Variants in CHPF2 observed in about 807,000 individuals in gnomAD.
CHPF2 encodes chondroitin polymerizing factor 2, non-catalytic subunit.
In CHPF2, 58 loss-of-function variants were observed where a neutral mutation model predicts 63.0. The observed-to-expected ratio is 0.92, with a 90% CI of 0.75 to 1.15. CHPF2 has a LOEUF of 1.15. CHPF2 is among the 50% of genes most tolerant of loss of function. The pLI is 0.00. For missense variants in CHPF2, 1,045 were observed against 1,035.4 expected (o/e 1.01, Z -0.13); for synonymous variants, 442 against 438.0 (o/e 1.01, Z -0.11).
At chr7:151,234,962 C>T (rs1368900106) in intron 1 of CHPF2, 86 bp from the exon 2 acceptor site, 2 of 1,073,454 alleles carry the variant, frequency 1.9e-6, no homozygotes, top group Non-Finnish European at 1.4e-6. Context: ...AGCCCCAACT[C>T]ACTCCTAGAG....
At position 151,232,914 on chromosome 7, in the gene CHPF2, C is replaced by G; in HGVS notation, c.-1098C>G. 7.4e-7 allele frequency: 1 copy of G among 1,360,450 alleles called. No individual in the cohort carries two copies. The highest frequency in any genetic ancestry group is 9.4e-7 in the Non-Finnish European group (1 of 1,059,972). 84.3% of individuals were successfully genotyped at this position (1,360,450 alleles called of 1,614,324 possible). On this transcript the variant is annotated 5_prime_UTR_variant, in exon 1 of 4. Transcript: ENST00000035307. ...CCTTCTCAGCAGCCCGGTGACGTGG[C>G]CAGTTTATTTCTGTTTTGAGACGAA...
In CHPF2 at chr7:151,234,182, C is replaced by G. The variant is rs2608293; in HGVS notation, c.171C>G (p.Ser57=). The G allele has an allele frequency of 0.41, 666,064 of 1,612,208 alleles. 141,007 individuals are homozygous for G. Among genetic ancestry groups the G allele is most frequent in the East Asian group, 0.72 (32,145 of 44,694 alleles). ...GERGGPQNPD[S]RARLDQSDED... The stretch of plus-strand genomic sequence containing the variant: ...GAGGAGGGCCACAGAATCCAGATTC[C>G]AGAGCTCGGCTAGACCAAAGTGATG... Residue 57 remains serine, a synonymous_variant, in exon 1 of 4, where the codon TCC becomes TCG. Transcript: ENST00000035307.
At position 151,232,663 on chromosome 7, in the gene CHPF2, C is replaced by G. The variant is rs1234879208; in HGVS notation, c.-1349C>G. The G allele has an allele frequency of 5.6e-5, 70 of 1,255,416 alleles. 2 individuals carry two copies. The South Asian group carries it at 8.6e-4, about 15-fold the overall frequency. The allele number at this position is 1,255,416 out of a possible 1,614,324, so 77.8% of individuals were successfully genotyped here. A position where few individuals can be genotyped will look rare whatever the true frequency, so the allele number is the denominator to read the frequency against. ...CCCCTCCCGGGACGCCGGGAGACCC[C>G]GGCCGTCCTTTATCCGGTGTCCGCC... On this transcript the variant is annotated 5_prime_UTR_variant, in exon 1 of 4. Transcript: ENST00000035307.
chr7:151,238,225 C>A lies in CHPF2; in HGVS notation c.1863C>A (p.Val621=). ...AISGWQAFFP[V]HFQEFNPALS... is the part of the protein sequence containing the mutation. ...CTGGCTGGCAGGCCTTCTTTCCAGT[C>A]CATTTCCAGGAGTTCAATCCTGCCC... Residue 621 remains valine, a synonymous_variant, in exon 4 of 4, where the codon GTC becomes GTA. Coordinates refer to ENST00000035307, the MANE Select transcript of CHPF2 (RefSeq NM_019015.3). 6.2e-7 allele frequency: 1 copy of A among 1,613,026 alleles called. No homozygotes were observed. Among genetic ancestry groups the A allele is most frequent in the Non-Finnish European group, 8.5e-7 (1 of 1,180,016 alleles).
At chr7:151,235,649 A>C in intron 2 of CHPF2, 37 bp downstream of exon 2, 4 of 1,550,972 alleles carry the variant, frequency 2.6e-6, no homozygotes, top group Non-Finnish European at 3.5e-6. Flanking sequence ...GTCCCTGATA[A>C]GCTAGTGGGG....
Position 151,238,269 on chromosome 7 carries a change from C to T in CHPF2, c.1907C>T (p.Pro636Leu). The change falls in exon 4 of 4, where the codon CCC becomes CTC. Residue 636 changes from proline to leucine, a missense_variant. Physicochemically the swap from Pro to Leu is moderately conservative, Grantham distance 98. Transcript: ENST00000035307. ...FNPALSPQRS[P>L]PGPPGAGPDP... ...CCTGCCCTGTCACCACAGAGATCAC[C>T]CCCAGGGCCCCCGGGGGCTGGCCCT... 2 of 1,612,136 alleles carry T rather than the reference C, an allele frequency of 1.2e-6. No individual in the cohort carries two copies. The highest frequency in any genetic ancestry group is 4.5e-5 in the East Asian group (2 of 44,846).
Position 151,235,433 on chromosome 7 carries a change from G to C in CHPF2, c.649G>C (p.Gly217Arg). 6.2e-7 allele frequency: 1 copy of C among 1,612,354 alleles called. No individual in the cohort carries two copies. The highest frequency in any genetic ancestry group is 8.5e-7 in the Non-Finnish European group (1 of 1,180,030). ...CCGGGCAGAGGAGTTCATTGGCGCAGGCGAGCAGGCCCGGTACTGTCATGG... is the reference window on the plus strand; with the variant it reads ...CCGGGCAGAGGAGTTCATTGGCGCACGCGAGCAGGCCCGGTACTGTCATGG... ...LGRAEEFIGAGEQARYCHGGF... is the reference protein window; with the variant it reads ...LGRAEEFIGAREQARYCHGGF... Residue 217 changes from glycine (G) to arginine (R), a missense_variant, in exon 2 of 4, where the codon GGC (glycine) becomes CGC (arginine). By Grantham distance (125) the Gly-to-Arg change is moderately radical. Transcript: ENST00000035307.
rs745434656 is a variant in CHPF2, at chr7:151,237,833, C to G, written c.1471C>G (p.Leu491Val). 9 of 1,612,662 alleles carry G rather than the reference C, an allele frequency of 5.6e-6. No individual in the cohort carries two copies. Among genetic ancestry groups the G allele is most frequent in the Non-Finnish European group, 7.6e-6 (9 of 1,180,008 alleles). The change falls in exon 4 of 4, where the codon CTG becomes GTG. Residue 491 changes from leucine to valine, a missense_variant. Coordinates refer to ENST00000035307, the MANE Select transcript of CHPF2 (RefSeq NM_019015.3). ...TGTCACTGAGGCCACCCGAGTGCAGCTGGTGCTGCCACTCCTGGTGGCTGA... is the reference window on the plus strand; with the variant it reads ...TGTCACTGAGGCCACCCGAGTGCAGGTGGTGCTGCCACTCCTGGTGGCTGA... ...PYVTEATRVQ[L>V]VLPLLVAEAA...
rs755914964 is a variant in CHPF2, at chr7:151,238,248, C to T, written c.1886C>T (p.Ala629Val). The T allele has an allele frequency of 1.9e-6, 3 of 1,612,686 alleles. No homozygotes were observed. The highest frequency in any genetic ancestry group is 1.1e-5 in the South Asian group (1 of 91,094). ...FPVHFQEFNP[A>V]LSPQRSPPGP... ...GTCCATTTCCAGGAGTTCAATCCTGCCCTGTCACCACAGAGATCACCCCCA... is the reference window on the plus strand; with the variant it reads ...GTCCATTTCCAGGAGTTCAATCCTGTCCTGTCACCACAGAGATCACCCCCA... Residue 629 changes from alanine (A) to valine (V), a missense_variant, in exon 4 of 4, where the codon GCC becomes GTC. Ala to Val is a moderately conservative substitution (Grantham distance 64, BLOSUM62 0). Coordinates refer to ENST00000035307, the MANE Select transcript of CHPF2 (RefSeq NM_019015.3).
In CHPF2 at chr7:151,235,355, C is replaced by T. The variant is rs771120675; in HGVS notation, c.571C>T (p.Arg191Cys). 9.9e-6 allele frequency: 16 copies of T among 1,613,830 alleles called. No individual in the cohort carries two copies. The highest frequency in any genetic ancestry group is 2.7e-5 in the African/African-American group (2 of 74,932). The change falls in exon 2 of 4, where the codon CGC becomes TGC. Residue 191 changes from arginine to cysteine, a missense_variant. Arg to Cys is a radical substitution (Grantham distance 180, BLOSUM62 -3). Coordinates refer to ENST00000035307, the MANE Select transcript of CHPF2 (RefSeq NM_019015.3). Reference sequence around the variant, plus strand: ...GGATGACACATATGTGCAGGCCCCCCGCCTGGCAGCCCTTGCTGGCCACCT... The same window carrying T: ...GGATGACACATATGTGCAGGCCCCCTGCCTGGCAGCCCTTGCTGGCCACCT... ...MQDDTYVQAP[R>C]LAALAGHLSI...
In CHPF2 at chr7:151,238,342, AGGG is replaced by A. The variant is rs746345053; in HGVS notation, c.1984_1986del (p.Gly662del). On this transcript the variant is annotated inframe_deletion, in exon 4 of 4. Coordinates refer to ENST00000035307, the MANE Select transcript of CHPF2 (RefSeq NM_019015.3). ...CTGACCCCTCCCGGGGGGCTCCTAT[AGGG>A]GGGAGATTTGACCGGCAGGCTTCTG... 2 of 1,609,004 alleles carry A rather than the reference AGGG, an allele frequency of 1.2e-6. No homozygotes were observed. The highest frequency in any genetic ancestry group is 2.7e-5 in the African/African-American group (2 of 74,626).
At chr7:151,236,881 A>C in intron 3 of CHPF2, 1 of 572,498 alleles carries the variant, frequency 1.7e-6, no homozygotes, top group Non-Finnish European at 3.3e-6. Context: ...GTGTTCAGAC[A>C]GAATAGTTTT....
At chr7:151,235,666 T>G (rs1802621295) in intron 2 of CHPF2, 54 bp downstream of exon 2, 1 of 1,481,700 alleles carries the variant, frequency 6.7e-7, no homozygotes, top group African/African-American at 1.4e-5. Flanking sequence ...GGGGGATGAG[T>G]GATTGGCCTT....
Position 151,232,659 on chromosome 7 carries a change from A to T in CHPF2, c.-1353A>T. On this transcript the variant is annotated 5_prime_UTR_variant, in exon 1 of 4. Coordinates refer to ENST00000035307, the MANE Select transcript of CHPF2 (RefSeq NM_019015.3). Reference sequence around the variant, plus strand: ...CCGCCCCCTCCCGGGACGCCGGGAGACCCCGGCCGTCCTTTATCCGGTGTC... The same window carrying T: ...CCGCCCCCTCCCGGGACGCCGGGAGTCCCCGGCCGTCCTTTATCCGGTGTC... 8.6e-7 allele frequency: 1 copy of T among 1,164,134 alleles called. No homozygotes were observed. Among genetic ancestry groups the T allele is most frequent in the Non-Finnish European group, 1.2e-6 (1 of 856,176 alleles). 72.1% of individuals were successfully genotyped at this position (1,164,134 alleles called of 1,614,324 possible).
At position 151,237,982 on chromosome 7, in the gene CHPF2, C is replaced by T; in HGVS notation, c.1620C>T (p.Asp540=). Residue 540 remains aspartate, a synonymous_variant, in exon 4 of 4, where the codon GAC becomes GAT. Coordinates refer to ENST00000035307, the MANE Select transcript of CHPF2 (RefSeq NM_019015.3). ...GAGAAGGTGGCCGTGGAGCTCCAGA[C>T]CCATTTCTTGGGGTGAAGGCTGCAG... ...GPREGGRGAP[D]PFLGVKAAAA... is the part of the protein sequence containing the mutation. 2 of 1,613,204 alleles carry T rather than the reference C, an allele frequency of 1.2e-6. No individual in the cohort carries two copies. The highest frequency in any genetic ancestry group is 1.7e-6 in the Non-Finnish European group (2 of 1,180,036).
Position 151,232,677 on chromosome 7 carries a change from C to G in CHPF2, c.-1335C>G. On this transcript the variant is annotated 5_prime_UTR_variant, in exon 1 of 4. It adds an upstream start codon to the 5' untranslated region. Transcript: ENST00000035307. Reference sequence around the variant, plus strand: ...CCGGGAGACCCCGGCCGTCCTTTATCCGGTGTCCGCCGGCCCCCGGCCCTG... The same window carrying G: ...CCGGGAGACCCCGGCCGTCCTTTATGCGGTGTCCGCCGGCCCCCGGCCCTG... 7.3e-7 allele frequency: 1 copy of G among 1,368,930 alleles called. No homozygotes were observed. 84.8% of individuals were successfully genotyped at this position (1,368,930 alleles called of 1,614,324 possible).
Position 151,232,679 on chromosome 7 carries a change from G to T in CHPF2, c.-1333G>T. On this transcript the variant is annotated 5_prime_UTR_variant, in exon 1 of 4. Coordinates refer to ENST00000035307, the MANE Select transcript of CHPF2 (RefSeq NM_019015.3). ...GGGAGACCCCGGCCGTCCTTTATCC[G>T]GTGTCCGCCGGCCCCCGGCCCTGAA... 2 of 1,378,630 alleles carry T rather than the reference G, an allele frequency of 1.5e-6. No individual in the cohort carries two copies. Among genetic ancestry groups the T allele is most frequent in the African/African-American group, 1.5e-5 (1 of 66,254 alleles). The allele number at this position is 1,378,630 out of a possible 1,614,324, so 85.4% of individuals were successfully genotyped here. A position where few individuals can be genotyped will look rare whatever the true frequency, so the allele number is the denominator to read the frequency against.
In CHPF2 at chr7:151,235,526, G is replaced by A. The variant is rs780178054; in HGVS notation, c.742G>A (p.Gly248Arg). 1.2e-6 allele frequency: 2 copies of A among 1,611,360 alleles called. No individual in the cohort carries two copies. Among genetic ancestry groups the A allele is most frequent in the Non-Finnish European group, 8.5e-7 (1 of 1,180,014 alleles). The change falls in exon 2 of 4, where the codon GGA becomes AGA. Residue 248 changes from glycine to arginine, a missense_variant. Coordinates refer to ENST00000035307, the MANE Select transcript of CHPF2 (RefSeq NM_019015.3). ...GCGGCCACATCTGGATGGCTGCCGA[G>A]GAGACATTCTCAGTGCCCGTCCTGA... ...RLRPHLDGCR[G>R]DILSARPDEW... is the part of the protein sequence containing the mutation.
chr7:151,236,366 A>G, intron 2 of CHPF2, 42 bp from the exon 3 acceptor site: 1 of 1,513,614 alleles, frequency 6.6e-7, no homozygotes, highest in South Asian at 1.3e-5. Context: ...TGGGACTGGC[A>G]GCTCTTGTGT....
Sources: gnomAD v4.1 joint callset for allele counts on GRCh38, gnomAD v4.1.1 for gene constraint, MANE v1.5 for transcripts, NCBI Gene and HGNC (gene_info 2026-07-23, HGNC 2026-07-21) for gene names.